Variants in EYA4 observed in about 807,000 individuals in gnomAD.
EYA4 encodes the protein protein phosphatase EYA4.
EYA4 carries 31 observed loss-of-function variants against 87.9 expected under a neutral mutation model. The observed-to-expected ratio is 0.35, with a 90% confidence interval of 0.27 to 0.48. EYA4 has a LOEUF of 0.48. Ranked by LOEUF, EYA4 falls within the 20% of genes least tolerant of loss-of-function variation. The pLI, the probability that EYA4 is intolerant of heterozygous loss-of-function variation, is 0.99. For synonymous variants in EYA4, 263 were observed against 270.6 expected (o/e 0.97, Z 0.28); for missense variants, 678 against 761.4 (o/e 0.89, Z 1.29).
At chr6:133,441,078 C>T (rs1792231267) in intron 3 of EYA4, among the ~76,000 whole-genome samples, 1 of 151,938 alleles carries the variant, frequency 6.6e-6, no homozygotes, top group African/African-American at 2.4e-5. Flanking sequence ...TTGACCATTA[C>T]TTATTCCAAT....
chr6:133,311,466 C>T (rs1030448641), intron 2 of EYA4, among the ~76,000 whole-genome samples: 5 of 151,950 alleles, frequency 3.3e-5, no homozygotes, highest in Admixed American at 6.6e-5. Flanking sequence ...GCTGTGACTA[C>T]GGGTGTATGC....
intron 1 of EYA4, among the ~76,000 whole-genome samples, chr6:133,253,645 G>T (rs889387896): frequency 6.6e-6 from 1 of 151,702 alleles, no homozygotes; most frequent in African/African-American, 2.4e-5. Flanking sequence ...CTGCCTACCT[G>T]GACAAAATAA....
At chr6:133,410,633 T>TTTTTTTTTTTTTTTTTTTTTTTTTGAG (rs1554252061) in intron 3 of EYA4, among the ~76,000 whole-genome samples, 1 of 148,722 alleles carries the variant, frequency 6.7e-6, no homozygotes, top group Non-Finnish European at 1.5e-5. Context: ...ACTAAGGTCT[T>TTTTTTTTTTTTTTTTTTTTTTTTTGAG]AATTCCTTCT....
intron 3 of EYA4, among the ~76,000 whole-genome samples, chr6:133,404,162 A>G (rs978915763): frequency 5.3e-5 from 8 of 152,154 alleles, no homozygotes; most frequent in African/African-American, 1.9e-4. Flanking sequence ...TAAGCCCTTT[A>G]TTTGGACTGA....
chr6:133,476,888 C>T (rs553950738), intron 11 of EYA4, among the ~76,000 whole-genome samples: 1 of 152,148 alleles, frequency 6.6e-6, no homozygotes, highest in East Asian at 1.9e-4. Context: ...ATTGTAATCC[C>T]CCTAATGCCC....
At chr6:133,454,902 G>A (rs922003084) in intron 5 of EYA4, among the ~76,000 whole-genome samples, 16 of 152,092 alleles carry the variant, frequency 1.1e-4, no homozygotes, top group African/African-American at 1.7e-4. Flanking sequence ...AAGGCAGCCT[G>A]ATACGGTGGA....
chr6:133,369,703 A>G (rs1785123192), intron 2 of EYA4, among the ~76,000 whole-genome samples: 2 of 152,236 alleles, frequency 1.3e-5, no homozygotes, highest in Admixed American at 1.3e-4. Flanking sequence ...TTAACTTGCC[A>G]TAAAGTGTTT....
chr6:133,385,122 AC>A (rs1314630023), intron 3 of EYA4, among the ~76,000 whole-genome samples: 21 of 151,662 alleles, frequency 1.4e-4, no homozygotes, highest in African/African-American at 4.8e-4. Context: ...ACACAGTGAA[AC>A]CCCGTCTCTA....
At position 133,486,920 on chromosome 6, in the gene EYA4, C is replaced by G. The variant is rs1213233699; in HGVS notation, c.1191+3805C>G. Among the ~76,000 whole-genome samples the G allele has an allele frequency of 3.3e-5, 5 of 152,194 alleles. No individual in the cohort carries two copies. The East Asian group carries it at 9.6e-4, about 29-fold the overall frequency. The stretch of plus-strand genomic sequence containing the variant: ...ACAACACAACCACCTTCATAAGAAC[C>G]AAAAGCCAGGTGAGCAATCACACAA... On this transcript the variant is annotated intron_variant, in intron 13 of 19. Coordinates refer to ENST00000355286, the MANE Select transcript of EYA4 (RefSeq NM_004100.5).
At chr6:133,384,119 A>G (rs906035030) in intron 3 of EYA4, among the ~76,000 whole-genome samples, 11 of 152,194 alleles carry the variant, frequency 7.2e-5, no homozygotes, top group African/African-American at 2.7e-4. Context: ...AGATAATACT[A>G]TGCTTAAGTA....
chr6:133,241,137 C>G (rs1384987465), upstream of EYA4, among the ~76,000 whole-genome samples: 1 of 152,044 alleles, frequency 6.6e-6, no homozygotes, highest in Admixed American at 6.5e-5. Context: ...CACGCGAGAT[C>G]GCAAACCATG....
At chr6:133,399,503 G>A (rs1175748734) in intron 3 of EYA4, among the ~76,000 whole-genome samples, 1 of 152,042 alleles carries the variant, frequency 6.6e-6, no homozygotes, top group African/African-American at 2.4e-5. Context: ...ATACAATGAG[G>A]CTACTTATGT....
chr6:133,528,445 TC>T lies in EYA4; in HGVS notation c.1840-278del, dbSNP rs779082991. ...AGATGTTGATGTTGGTAGCGATACT[TC>T]CAGAATAAATATTAAACTATCTAAG... On this transcript the variant is annotated intron_variant, in intron 19 of 19. Coordinates refer to ENST00000355286, the MANE Select transcript of EYA4 (RefSeq NM_004100.5). Among the ~76,000 whole-genome samples the T allele has an allele frequency of 2.5e-3, 386 of 152,264 alleles. 1 individual carries two copies. Among genetic ancestry groups the T allele is most frequent in the Non-Finnish European group, 4.5e-3 (306 of 68,006 alleles).
At position 133,260,808 on chromosome 6, in the gene EYA4, G is replaced by A. The variant is rs1411065229; in HGVS notation, c.-65-13908G>A. 3.9e-5 allele frequency among the ~76,000 whole-genome samples: 6 copies of A among 152,104 alleles called. No homozygotes were observed. In the South Asian group the frequency reaches 8.3e-4, roughly 21 times the overall value. The stretch of plus-strand genomic sequence containing the variant: ...CCATCATAGGACAGGCTTCTTTGCT[G>A]AATCTGATGGTGGGCCGAGTTTTTC... On this transcript the variant is annotated intron_variant, in intron 1 of 19. Transcript: ENST00000355286.
At chr6:133,323,073 C>CGTGT (rs141727232) in intron 2 of EYA4, among the ~76,000 whole-genome samples, 336 of 149,060 alleles carry the variant, frequency 2.3e-3, no homozygotes, top group South Asian at 3.2e-3. Flanking sequence ...GTATAAAATC[C>CGTGT]GTGTGTGTGT....
At chr6:133,370,778 G>T (rs1785206336) in intron 2 of EYA4, among the ~76,000 whole-genome samples, 1 of 152,082 alleles carries the variant, frequency 6.6e-6, no homozygotes, top group Non-Finnish European at 1.5e-5. Flanking sequence ...CTTTTCATTA[G>T]ATTTGAGATG....
chr6:133,484,684 C>T (rs946412512), intron 13 of EYA4, among the ~76,000 whole-genome samples: 54 of 152,168 alleles, frequency 3.5e-4, no homozygotes, highest in African/African-American at 1.3e-3. Flanking sequence ...ATCAGAAGTA[C>T]ACAGTAAATC....
At chr6:133,324,331 C>T (rs1371158989) in intron 2 of EYA4, among the ~76,000 whole-genome samples, 1 of 152,008 alleles carries the variant, frequency 6.6e-6, no homozygotes, top group Non-Finnish European at 1.5e-5. Flanking sequence ...CATTTAAGCT[C>T]CTGTAATTTT....
chr6:133,269,630 C>G (rs753598343), intron 1 of EYA4, among the ~76,000 whole-genome samples: 5 of 151,998 alleles, frequency 3.3e-5, no homozygotes, highest in Non-Finnish European at 5.9e-5. Flanking sequence ...TATTGCAAAG[C>G]ATAAAAGAAA....
Sources: gnomAD v4.1 joint callset for allele counts (sites outside exome capture counted in the v4.1 genomes callset) on GRCh38, gnomAD v4.1.1 for gene constraint, MANE v1.5 for transcripts, NCBI Gene and HGNC (gene_info 2026-07-23, HGNC 2026-07-21) for gene names.